Variants in SMR3B observed in about 807,000 individuals in gnomAD.
The protein encoded by SMR3B is submaxillary gland androgen regulated protein 3B, also known as submaxillary gland androgen-regulated protein 3B.
For missense variants in SMR3B, 114 were observed against 99.9 expected, an observed-to-expected ratio of 1.14 and a Z score of -0.60; for synonymous variants, 42 against 36.1, an observed-to-expected ratio of 1.16 and a Z score of -0.59.
At position 70,389,826 on chromosome 4, in the gene SMR3B, C is replaced by T; in HGVS notation, c.218C>T (p.Pro73Leu). 1 of 1,613,862 alleles carries T rather than the reference C, an allele frequency of 6.2e-7. No homozygotes were observed. Among genetic ancestry groups the T allele is most frequent in the African/African-American group, 1.3e-5 (1 of 74,946 alleles). Residue 73 changes from proline to leucine, a missense_variant, in exon 3 of 3, where the codon CCA becomes CTA. Physicochemically the swap from Pro to Leu is moderately conservative, Grantham distance 98. Coordinates refer to ENST00000304915, the MANE Select transcript of SMR3B (RefSeq NM_006685.4). ...GCACCCTATGGTCCAGGGATATTTC[C>T]ACCACCCCCTCCTCAACCCTAAGGT... ...PPAPYGPGIFPPPPPQP is the reference protein window; with the variant it reads ...PPAPYGPGIFLPPPPQP
intron 2 of SMR3B, among the ~76,000 whole-genome samples, chr4:70,388,933 C>T (rs963087087): frequency 2.6e-5 from 4 of 152,086 alleles, no homozygotes; most frequent in African/African-American, 7.2e-5. Flanking sequence ...ATGACAGATT[C>T]GACTATAGGC....
intron 1 of SMR3B, among the ~76,000 whole-genome samples, chr4:70,383,947 G>A (rs922611574): frequency 2.6e-5 from 4 of 151,908 alleles, no homozygotes; most frequent in Non-Finnish European, 2.9e-5. Flanking sequence ...TAATGTAATA[G>A]AATGTTGTTA....
At chr4:70,386,618 T>C (rs1732670693) in intron 2 of SMR3B, among the ~76,000 whole-genome samples, 1 of 152,166 alleles carries the variant, frequency 6.6e-6, no homozygotes, top group Non-Finnish European at 1.5e-5. Flanking sequence ...TAAAATAGTA[T>C]TTTCATCATT....
Position 70,390,000 on chromosome 4 carries a change from G to A in SMR3B, c.*152G>A, listed in dbSNP as rs1732736060. 6.8e-7 allele frequency: 1 copy of A among 1,469,388 alleles called. No individual in the cohort carries two copies. The highest frequency in any genetic ancestry group is 1.1e-5 in the South Asian group (1 of 88,038). The allele number at this position is 1,469,388 out of a possible 1,614,324, so 91.0% of individuals were successfully genotyped here. A position where few individuals can be genotyped will look rare whatever the true frequency, so the allele number is the denominator to read the frequency against. On this transcript the variant is annotated 3_prime_UTR_variant, in exon 3 of 3. Coordinates refer to ENST00000304915, the MANE Select transcript of SMR3B (RefSeq NM_006685.4). ...CCCCAAATATGAACAACTGCAGCAG[G>A]TGCCACCACCACCACAAAAGACACC...
At chr4:70,385,595 G>A (rs924851801) in intron 2 of SMR3B, among the ~76,000 whole-genome samples, 1 of 151,400 alleles carries the variant, frequency 6.6e-6, no homozygotes, top group Non-Finnish European at 1.5e-5. Context: ...TAGTAGAGAC[G>A]GGGTTTCACC....
At position 70,384,590 on chromosome 4, in the gene SMR3B, C is replaced by T. The variant is rs1553915004; in HGVS notation, c.54+26C>T. ...GTAAGTATCATTAATCACGATCACA[C>T]TTCTTTATAGTTTCTCATTAACCAT... On this transcript the variant is annotated intron_variant, in intron 2 of 2. Coordinates refer to ENST00000304915, the MANE Select transcript of SMR3B (RefSeq NM_006685.4). The T allele has an allele frequency of 5.1e-6, 8 of 1,561,854 alleles. No homozygotes were observed. In the Admixed American group the frequency reaches 9.7e-5, roughly 19 times the overall value.
At position 70,390,027 on chromosome 4, in the gene SMR3B, C is replaced by G; in HGVS notation, c.*179C>G. The G allele has an allele frequency of 8.1e-7, 1 of 1,235,316 alleles. No individual in the cohort carries two copies. Among genetic ancestry groups the G allele is most frequent in the Non-Finnish European group, 1.2e-6 (1 of 837,864 alleles). 76.5% of individuals were successfully genotyped at this position (1,235,316 alleles called of 1,614,324 possible). On this transcript the variant is annotated 3_prime_UTR_variant, in exon 3 of 3. Transcript: ENST00000304915. Reference sequence around the variant, plus strand: ...GCCACCACCACCACAAAAGACACCACTACCCTTGTAACTACTGCTTCTACT... The same window carrying G: ...GCCACCACCACCACAAAAGACACCAGTACCCTTGTAACTACTGCTTCTACT...
chr4:70,389,811 G>C lies in SMR3B; in HGVS notation c.203G>C (p.Gly68Ala), dbSNP rs766013455. The C allele has an allele frequency of 6.2e-7, 1 of 1,613,556 alleles. No individual in the cohort carries two copies. Among genetic ancestry groups the C allele is most frequent in the Non-Finnish European group, 8.5e-7 (1 of 1,179,902 alleles). The change falls in exon 3 of 3, where the codon GGT becomes GCT. Residue 68 changes from glycine (G) to alanine (A), a missense_variant. By Grantham distance (60) the Gly-to-Ala change is moderately conservative. Transcript: ENST00000304915. ...CCACCTCCTCCTCCCGCACCCTATG[G>C]TCCAGGGATATTTCCACCACCCCCT... Reference protein sequence around the residue: ...RIPPPPPAPYGPGIFPPPPPQ... With the variant: ...RIPPPPPAPYAPGIFPPPPPQ...
At position 70,388,314 on chromosome 4, in the gene SMR3B, C is replaced by T. The variant is rs77216888; in HGVS notation, c.55-1349C>T. Among the ~76,000 whole-genome samples the T allele has an allele frequency of 9.3e-3, 1,414 of 151,948 alleles. 7 individuals are homozygous for T. The highest frequency in any genetic ancestry group is 0.015 in the Non-Finnish European group (988 of 67,990). On this transcript the variant is annotated intron_variant, in intron 2 of 2. Coordinates refer to ENST00000304915, the MANE Select transcript of SMR3B (RefSeq NM_006685.4). Reference sequence around the variant, plus strand: ...TTAAAATAGAGACAGAATTTTGCTACATTGTCCAAGTTGGCCTTGAACTGC... The same window carrying T: ...TTAAAATAGAGACAGAATTTTGCTATATTGTCCAAGTTGGCCTTGAACTGC...
At chr4:70,383,965 G>A (rs1392029731) in intron 1 of SMR3B, among the ~76,000 whole-genome samples, 4 of 151,446 alleles carry the variant, frequency 2.6e-5, no homozygotes, top group Admixed American at 2.6e-4. Context: ...TTAAAACTAG[G>A]AAATATATTA....
intron 2 of SMR3B, 121 bp downstream of exon 2, chr4:70,384,685 G>C (rs1249407517): frequency 1.3e-6 from 2 of 1,535,764 alleles, no homozygotes; most frequent in African/African-American, 2.8e-5. Context: ...AATCATCAAT[G>C]AAACACTGTT....
chr4:70,384,596 T>C lies in SMR3B; in HGVS notation c.54+32T>C, dbSNP rs751244351. 3.2e-6 allele frequency: 5 copies of C among 1,565,340 alleles called. No individual in the cohort carries two copies. The South Asian group carries it at 6.0e-5, about 19-fold the overall frequency. ...ATCATTAATCACGATCACACTTCTT[T>C]ATAGTTTCTCATTAACCATTACTTC... On this transcript the variant is annotated intron_variant, in intron 2 of 2. Transcript: ENST00000304915.
At chr4:70,386,110 C>A (rs1165379434) in intron 2 of SMR3B, among the ~76,000 whole-genome samples, 1 of 151,078 alleles carries the variant, frequency 6.6e-6, no homozygotes, top group Non-Finnish European at 1.5e-5. Flanking sequence ...CTGTCTCTAC[C>A]AAAATTACAA....
At chr4:70,386,549 TA>T in intron 2 of SMR3B, among the ~76,000 whole-genome samples, 1 of 147,868 alleles carries the variant, frequency 6.8e-6, no homozygotes, top group East Asian at 1.9e-4. Flanking sequence ...TGTTCCTAAA[TA>T]AAGTAATGTA....
chr4:70,388,932 T>A (rs932512752), intron 2 of SMR3B, among the ~76,000 whole-genome samples: 9 of 152,206 alleles, frequency 5.9e-5, no homozygotes, highest in African/African-American at 2.2e-4. Context: ...AATGACAGAT[T>A]CGACTATAGG....
intron 2 of SMR3B, chr4:70,384,770 A>C: frequency 9.9e-7 from 1 of 1,008,132 alleles, no homozygotes; most frequent in Non-Finnish European, 1.4e-6. Context: ...TGGACAGCTC[A>C]AGTCTGTGGT....
In SMR3B at chr4:70,389,680, A is replaced by T. The variant is rs750285531; in HGVS notation, c.72A>T (p.Arg24Ser). Residue 24 changes from arginine to serine, a missense_variant, in exon 3 of 3, where the codon AGA becomes AGT. Transcript: ENST00000304915. ...AACFTPGESQ[R>S]GPRGPYPPGP... ...TTCCACAGCCTGGTGAGAGTCAAAG[A>T]GGCCCCAGGGGACCATATCCACCTG... 9.9e-6 allele frequency: 16 copies of T among 1,613,806 alleles called. No homozygotes were observed. Among genetic ancestry groups the T allele is most frequent in the Non-Finnish European group, 1.4e-5 (16 of 1,179,928 alleles).
chr4:70,388,199 C>G (rs1377801661), intron 2 of SMR3B, among the ~76,000 whole-genome samples: 1 of 152,114 alleles, frequency 6.6e-6, no homozygotes, highest in African/African-American at 2.4e-5. Context: ...TAGAACAATC[C>G]TTCATCATTT....
chr4:70,388,351 A>G (rs1732702974), intron 2 of SMR3B, among the ~76,000 whole-genome samples: 1 of 152,134 alleles, frequency 6.6e-6, no homozygotes, highest in East Asian at 1.9e-4. Flanking sequence ...GGCCTCAAGC[A>G]ATCCACCTGC....
Sources: allele counts gnomAD v4.1 joint callset (sites outside exome capture counted in the v4.1 genomes callset), GRCh38; gene constraint gnomAD v4.1.1; transcripts MANE v1.5; gene names NCBI Gene and HGNC (gene_info 2026-07-23, HGNC 2026-07-21).